The following PHKB variants were observed in gnomAD, a reference collection of about 807,000 sequenced individuals.
The protein encoded by PHKB is phosphorylase b kinase regulatory subunit beta.
Under a neutral mutation model 152.1 loss-of-function variants are expected in PHKB, and 122 were observed. That is an observed-to-expected ratio of 0.80 (90% confidence interval 0.69 to 0.93). The LOEUF is 0.93. Among genes scored for constraint, PHKB ranks in the 40% least tolerant of loss-of-function variants. The pLI is 0.00. For missense variants in PHKB, 1,304 were observed against 1,328.4 expected (o/e 0.98, Z 0.29); for synonymous variants, 436 against 464.9 (o/e 0.94, Z 0.80).
chr16:47,484,911 A>C (rs1970024231), intron 1 of PHKB, among the ~76,000 whole-genome samples: 1 of 152,190 alleles, frequency 6.6e-6, no homozygotes, highest in African/African-American at 2.4e-5. Flanking sequence ...AATAAAAATC[A>C]CACTCCTTTC....
chr16:47,650,822 A>AT lies in PHKB; in HGVS notation c.1881-3dup. 4 of 1,600,322 alleles carry AT rather than the reference A, an allele frequency of 2.5e-6. No homozygotes were observed. The highest frequency in any genetic ancestry group is 3.4e-6 in the Non-Finnish European group (4 of 1,167,842). ...TAATCTGTACATTTTGTTTATTTATATTTTTTAGAGGTAGCCGGTTCAACC... is the reference window on the plus strand; with the variant it reads ...TAATCTGTACATTTTGTTTATTTATATTTTTTTAGAGGTAGCCGGTTCAACC... On this transcript the variant is annotated splice_polypyrimidine_tract_variant and intron_variant, in intron 19 of 30. Transcript: ENST00000323584.
intron 14 of PHKB, among the ~76,000 whole-genome samples, chr16:47,640,671 A>T (rs1973002358): frequency 6.6e-6 from 1 of 152,168 alleles, no homozygotes; most frequent in Non-Finnish European, 1.5e-5. Flanking sequence ...TACAGAGAAC[A>T]CATAAATTGG....
chr16:47,547,768 A>G lies in PHKB; in HGVS notation c.710+220A>G, dbSNP rs371441524. 19 of 502,588 alleles carry G rather than the reference A, an allele frequency of 3.8e-5. No individual in the cohort carries two copies. The East Asian group carries it at 5.8e-4, about 15-fold the overall frequency. 31.1% of individuals were successfully genotyped at this position (502,588 alleles called of 1,614,324 possible). On this transcript the variant is annotated intron_variant, in intron 7 of 30. Coordinates refer to ENST00000323584, the MANE Select transcript of PHKB (RefSeq NM_000293.3). Reference sequence around the variant, plus strand: ...AAGAAAGAAGTAGGTGTCTTTCCCAACCTCCCAAGGTGTCAGTACATGCAT... The same window carrying G: ...AAGAAAGAAGTAGGTGTCTTTCCCAGCCTCCCAAGGTGTCAGTACATGCAT...
intron 14 of PHKB, among the ~76,000 whole-genome samples, chr16:47,630,295 A>T (rs1479010616): frequency 6.6e-6 from 1 of 152,158 alleles, no homozygotes; most frequent in African/African-American, 2.4e-5. Context: ...CTGCCTGGCC[A>T]ACATGGTGAA....
chr16:47,546,213 C>A (rs1216954576), intron 6 of PHKB, among the ~76,000 whole-genome samples: 1 of 152,128 alleles, frequency 6.6e-6, no homozygotes, highest in Non-Finnish European at 1.5e-5. Context: ...TGGTTTCTCC[C>A]CGTCTTTGTG....
chr16:47,685,410 GC>G (rs562086939), intron 26 of PHKB, among the ~76,000 whole-genome samples: 62 of 152,112 alleles, frequency 4.1e-4, no homozygotes, highest in Non-Finnish European at 6.8e-4. Context: ...GGGTGACAGG[GC>G]GAGACTCCTC....
intron 14 of PHKB, among the ~76,000 whole-genome samples, chr16:47,639,141 G>A (rs1343623270): frequency 6.6e-6 from 1 of 152,090 alleles, no homozygotes; most frequent in Non-Finnish European, 1.5e-5. Flanking sequence ...AGGTGTGGTG[G>A]TGTGCACCTG....
At chr16:47,568,389 C>A (rs1240806182) in intron 7 of PHKB, among the ~76,000 whole-genome samples, 1 of 152,162 alleles carries the variant, frequency 6.6e-6, no homozygotes, top group African/African-American at 2.4e-5. Flanking sequence ...TCTGCATTTT[C>A]ATTTCTGATT....
At chr16:47,547,818 G>C (rs1287214405) in intron 7 of PHKB, 6 of 390,342 alleles carry the variant, frequency 1.5e-5, no homozygotes, top group Non-Finnish European at 2.8e-5. Flanking sequence ...TTAATCCACA[G>C]CTTGGCCTTT....
intron 20 of PHKB, among the ~76,000 whole-genome samples, chr16:47,658,448 A>G (rs1021216888): frequency 5.3e-5 from 8 of 152,102 alleles, no homozygotes; most frequent in Admixed American, 6.5e-5. Flanking sequence ...CTGACATAAT[A>G]AATACATATA....
At position 47,698,473 on chromosome 16, in the gene PHKB, T is replaced by C; in HGVS notation, c.3029T>C (p.Leu1010Pro). The C allele has an allele frequency of 6.2e-7, 1 of 1,611,616 alleles. No individual in the cohort carries two copies. Among genetic ancestry groups the C allele is most frequent in the East Asian group, 2.2e-5 (1 of 44,768 alleles). ...TTACTTATGGTTGTATCCATTGTAC[T>C]GGAAAGAAACCCCGAGCTAGAATTT... ...VELLMVVSIV[L>P]ERNPELEFQD... Residue 1010 changes from leucine (L) to proline (P), a missense_variant, in exon 30 of 31, where the codon CTG (leucine) becomes CCG (proline). Transcript: ENST00000323584.
chr16:47,598,048 A>C (rs974191278), intron 13 of PHKB: 2 of 152,202 alleles, frequency 1.3e-5, no homozygotes, highest in African/African-American at 4.8e-5. Flanking sequence ...AAACAGAGTA[A>C]ATGGTATAAT....
chr16:47,525,604 G>A (rs932126099), intron 6 of PHKB, among the ~76,000 whole-genome samples: 2 of 152,164 alleles, frequency 1.3e-5, no homozygotes, highest in African/African-American at 2.4e-5. Flanking sequence ...TGACCTTATG[G>A]TGTTAATCCA....
chr16:47,503,064 T>A lies in PHKB; in HGVS notation c.379T>A (p.Tyr127Asn), dbSNP rs151291928. 5 of 1,609,758 alleles carry A rather than the reference T, an allele frequency of 3.1e-6. No individual in the cohort carries two copies. In the African/African-American group the frequency reaches 6.7e-5, roughly 22 times the overall value. The change falls in exon 4 of 31, where the codon TAC (tyrosine) becomes AAC (asparagine). Residue 127 changes from tyrosine (Y) to asparagine (N), a missense_variant. Transcript: ENST00000323584. ...SAIKCMRGIL[Y>N]CYMRQADKVQ... ...TATAAAATGCATGAGAGGAATTCTC[T>A]ACTGCTATATGCGTCAGGCCGATAA...
intron 20 of PHKB, among the ~76,000 whole-genome samples, chr16:47,660,077 T>C (rs1044942900): frequency 3.3e-5 from 5 of 152,188 alleles, no homozygotes; most frequent in Admixed American, 6.5e-5. Flanking sequence ...ACAGCCAAGA[T>C]AGTCTTGATC....
chr16:47,575,640 T>C (rs1029369470), intron 7 of PHKB, among the ~76,000 whole-genome samples: 1 of 151,996 alleles, frequency 6.6e-6, no homozygotes, highest in African/African-American at 2.4e-5. Flanking sequence ...CACTTAAAAG[T>C]GGGAGCTAAA....
intron 1 of PHKB, among the ~76,000 whole-genome samples, chr16:47,468,320 A>T (rs567093008): frequency 9.8e-5 from 15 of 152,334 alleles, no homozygotes; most frequent in Admixed American, 4.6e-4. Flanking sequence ...AGCTCATGTC[A>T]CTTTCCTGCT....
intron 25 of PHKB, chr16:47,665,322 G>T: frequency 3.8e-6 from 1 of 262,732 alleles, no homozygotes; most frequent in South Asian, 4.5e-5. Flanking sequence ...TATTGCATGT[G>T]CTGTACTTTA....
intron 1 of PHKB, chr16:47,463,777 A>G (rs1969617930): frequency 3.0e-6 from 2 of 667,964 alleles, no homozygotes; most frequent in Non-Finnish European, 5.3e-6. Flanking sequence ...TAAAATTATA[A>G]TGATCCTCAG....
Sources: allele counts gnomAD v4.1 joint callset (sites outside exome capture counted in the v4.1 genomes callset), GRCh38; gene constraint gnomAD v4.1.1; transcripts MANE v1.5; gene names NCBI Gene and HGNC (gene_info 2026-07-23, HGNC 2026-07-21).